Variants in RSU1 observed in about 807,000 individuals in gnomAD.
RSU1 encodes rsu-1.
In RSU1, 26 loss-of-function variants were observed where a neutral mutation model predicts 31.1. The ratio of observed to expected loss-of-function variants is 0.84; its 90% confidence interval spans 0.61 to 1.16. RSU1 has a LOEUF of 1.16. Ranked by LOEUF, RSU1 falls within the 50% of genes most tolerant of loss-of-function variation. The probability of loss-of-function intolerance (pLI) is 0.00; values close to 1 mark genes in which losing one functional copy is unlikely to be tolerated. For missense variants in RSU1, 320 were observed against 339.1 expected (o/e 0.94, Z 0.44); for synonymous variants, 164 against 136.3 (o/e 1.20, Z -1.41).
At position 16,798,665 on chromosome 10, in the gene RSU1, T is replaced by TAC. The variant is rs1838089006; in HGVS notation, c.110-16582_110-16581insGT. Among the ~76,000 whole-genome samples the TAC allele has an allele frequency of 3.3e-5, 5 of 152,320 alleles. No individual in the cohort carries two copies. In the South Asian group the frequency reaches 1.0e-3, roughly 32 times the overall value. ...TTCATAAATTACCCATCTTGAGCCG[T>TAC]TCTTTGTAGCAGTATGAAAACAGAC... On this transcript the variant is annotated intron_variant, in intron 2 of 8. Coordinates refer to ENST00000345264, the MANE Select transcript of RSU1 (RefSeq NM_012425.4).
intron 8 of RSU1, among the ~76,000 whole-genome samples, chr10:16,650,547 A>T (rs1332684212): frequency 6.6e-6 from 1 of 151,582 alleles, no homozygotes; most frequent in East Asian, 1.9e-4. Flanking sequence ...TAAAACTGGA[A>T]GTCAGCACTA....
At chr10:16,735,590 T>C (rs1836609516) in intron 7 of RSU1, among the ~76,000 whole-genome samples, 1 of 152,106 alleles carries the variant, frequency 6.6e-6, no homozygotes. Flanking sequence ...ACTACATAAT[T>C]TATAAAGGGA....
At chr10:16,751,898 G>A (rs908982506) in intron 7 of RSU1, among the ~76,000 whole-genome samples, 21 of 152,182 alleles carry the variant, frequency 1.4e-4, no homozygotes, top group African/African-American at 5.1e-4. Flanking sequence ...TACTGGCTTG[G>A]AGGTTATTTC....
chr10:16,628,834 A>T (rs753838783), intron 8 of RSU1, among the ~76,000 whole-genome samples: 3 of 151,976 alleles, frequency 2.0e-5, no homozygotes, highest in Non-Finnish European at 4.4e-5. Flanking sequence ...TCATTGTTTG[A>T]CCTTCCAGTC....
At chr10:16,670,180 G>A (rs1835079798) in intron 8 of RSU1, among the ~76,000 whole-genome samples, 1 of 152,212 alleles carries the variant, frequency 6.6e-6, no homozygotes, top group Admixed American at 6.5e-5. Flanking sequence ...TAACTAAGGA[G>A]GAAAAACGTA....
chr10:16,788,384 T>C (rs191516387), intron 2 of RSU1, among the ~76,000 whole-genome samples: 185 of 152,034 alleles, frequency 1.2e-3, no homozygotes, highest in Non-Finnish European at 4.6e-4. Flanking sequence ...GGCGGGGCCT[T>C]TGGGAGGTGA....
intron 7 of RSU1, among the ~76,000 whole-genome samples, chr10:16,700,455 A>G (rs1202172667): frequency 6.6e-6 from 1 of 152,198 alleles, no homozygotes; most frequent in African/African-American, 2.4e-5. Flanking sequence ...AACAGCTGAA[A>G]GATCACCTCT....
chr10:16,636,563 A>G (rs1834347791), intron 8 of RSU1, among the ~76,000 whole-genome samples: 1 of 152,082 alleles, frequency 6.6e-6, no homozygotes, highest in South Asian at 2.1e-4. Context: ...TGTAGCAGTG[A>G]TCATTTTGAA....
intron 7 of RSU1, among the ~76,000 whole-genome samples, chr10:16,741,320 T>C (rs1836745123): frequency 6.6e-6 from 1 of 151,902 alleles, no homozygotes. Flanking sequence ...TCAAAATGGA[T>C]CAAAGATATA....
intron 8 of RSU1, among the ~76,000 whole-genome samples, chr10:16,646,653 G>A (rs948967404): frequency 6.6e-6 from 1 of 152,150 alleles, no homozygotes; most frequent in Non-Finnish European, 1.5e-5. Flanking sequence ...CAGCTCCAGG[G>A]GTTACTACAT....
intron 8 of RSU1, among the ~76,000 whole-genome samples, chr10:16,690,140 T>C (rs916184967): frequency 1.3e-5 from 2 of 151,864 alleles, no homozygotes; most frequent in Admixed American, 1.3e-4. Flanking sequence ...CTGCCTCTCC[T>C]GGGGGAAAAA....
chr10:16,812,589 T>C (rs8181291), intron 2 of RSU1, among the ~76,000 whole-genome samples: 21,159 of 152,214 alleles, frequency 0.14, 1,846 homozygotes, highest in East Asian at 0.44. Context: ...ACTTTTGAGA[T>C]AGCTCTTCCA....
intron 8 of RSU1, among the ~76,000 whole-genome samples, chr10:16,642,376 C>T (rs1481361464): frequency 6.6e-6 from 1 of 152,138 alleles, no homozygotes; most frequent in African/African-American, 2.4e-5. Context: ...GAAACTGCAC[C>T]AATGCCAGCT....
At chr10:16,621,838 T>C (rs542250027) in intron 8 of RSU1, among the ~76,000 whole-genome samples, 1 of 152,312 alleles carries the variant, frequency 6.6e-6, no homozygotes, top group South Asian at 2.1e-4. Flanking sequence ...AAGATGAGAC[T>C]TGGGTGGGGA....
Position 16,592,217 on chromosome 10 carries a change from G to A in RSU1, c.*1177C>T, listed in dbSNP as rs1833518184. 1 of 152,152 alleles carries A rather than the reference G, an allele frequency of 6.6e-6. No homozygotes were observed. 9.4% of individuals were successfully genotyped at this position (152,152 alleles called of 1,614,324 possible). The stretch of plus-strand genomic sequence containing the variant: ...CGAAAGGACACAGCAGAGAAGGGCA[G>A]GCCCCCTCTCCCAGGCCATTTGACT... On this transcript the variant is annotated 3_prime_UTR_variant, in exon 9 of 9. Transcript: ENST00000345264.
intron 8 of RSU1, among the ~76,000 whole-genome samples, chr10:16,686,235 A>C (rs1835438053): frequency 6.6e-6 from 1 of 152,168 alleles, no homozygotes. Flanking sequence ...AGAGATTAGA[A>C]ACCACAAACA....
intron 7 of RSU1, among the ~76,000 whole-genome samples, chr10:16,742,423 C>T (rs1051801972): frequency 6.6e-6 from 1 of 152,134 alleles, no homozygotes; most frequent in Admixed American, 6.5e-5. Context: ...GAAAGAAACT[C>T]TCACACTCAC....
chr10:16,633,427 T>C (rs1297551343), intron 8 of RSU1, among the ~76,000 whole-genome samples: 2 of 152,112 alleles, frequency 1.3e-5, no homozygotes, highest in African/African-American at 4.8e-5. Context: ...AAAATGCTTA[T>C]TGTGTCCAAC....
At chr10:16,778,673 G>A (rs546826048) in intron 3 of RSU1, among the ~76,000 whole-genome samples, 1 of 152,200 alleles carries the variant, frequency 6.6e-6, no homozygotes, top group East Asian at 1.9e-4. Flanking sequence ...GGGGAGGATG[G>A]GGAGAGGCTG....
Sources: gnomAD v4.1 joint callset for allele counts (sites outside exome capture counted in the v4.1 genomes callset) on GRCh38, gnomAD v4.1.1 for gene constraint, MANE v1.5 for transcripts, NCBI Gene and HGNC (gene_info 2026-07-23, HGNC 2026-07-21) for gene names.